Variants in ARHGAP45 observed in about 807,000 individuals in gnomAD.
ARHGAP45 encodes rho GTPase-activating protein 45.
A neutral mutation model predicts 116.1 loss-of-function variants in ARHGAP45; 56 were observed. The observed-to-expected ratio is 0.48, with a 90% CI of 0.39 to 0.60. The LOEUF (loss-of-function observed/expected upper bound fraction) is 0.60, where lower values mean the gene tolerates loss of function less well. Ranked by LOEUF, ARHGAP45 falls within the 20% of genes least tolerant of loss-of-function variation. ARHGAP45 has a pLI of 0.00. For missense variants in ARHGAP45, 1,622 were observed against 1,601.0 expected (o/e 1.01, Z -0.22); for synonymous variants, 866 against 701.7 (o/e 1.23, Z -3.70).
chr19:1,068,121 C>A lies in ARHGAP45; in HGVS notation c.91-293C>A, dbSNP rs957176623. Among the ~76,000 whole-genome samples the A allele has an allele frequency of 6.6e-6, 1 of 152,062 alleles. No individual in the cohort carries two copies. Among genetic ancestry groups the A allele is most frequent in the African/African-American group, 2.4e-5 (1 of 41,408 alleles). On this transcript the variant is annotated intron_variant, in intron 1 of 22. Transcript: ENST00000313093. The surrounding 1 kb of genome is among the most constrained non-coding windows in gnomAD (Gnocchi z 7.5). ...TGAGGGGGGCTTGAAGGGCTGAGGA[C>A]CCTCCCCACCCCCACCAGGAAGTGG...
chr19:1,070,357 G>A (rs2043118058), intron 2 of ARHGAP45, among the ~76,000 whole-genome samples: 1 of 119,492 alleles, frequency 8.4e-6, no homozygotes, highest in Non-Finnish European at 1.7e-5. Context: ...TTGAGACAGA[G>A]TCTCACTCTG....
Position 1,085,684 on chromosome 19 carries a change from C to T in ARHGAP45, c.3089C>T (p.Ser1030Leu), listed in dbSNP as rs780707890. Residue 1030 changes from serine (S) to leucine (L), a missense_variant, in exon 23 of 23, where the codon TCG (serine) becomes TTG (leucine). Ser to Leu is a moderately radical substitution (Grantham distance 145). Transcript: ENST00000313093. The stretch of plus-strand genomic sequence containing the variant: ...GAATCCCGAGTTGTGTCCAACGATT[C>T]GGACTCGGACCTAGAGGAGGCCTCC... Reference protein sequence around the residue: ...CRESRVVSNDSDSDLEEASEL... With the variant: ...CRESRVVSNDLDSDLEEASEL... The T allele has an allele frequency of 3.4e-5, 54 of 1,583,102 alleles. No homozygotes were observed. Among genetic ancestry groups the T allele is most frequent in the Admixed American group, 1.4e-4 (8 of 56,806 alleles).
At position 1,086,087 on chromosome 19, in the gene ARHGAP45, A is replaced by G. The variant is rs1024712298; in HGVS notation, c.*81A>G. The G allele has an allele frequency of 1.5e-5, 19 of 1,285,842 alleles. No homozygotes were observed. Among genetic ancestry groups the G allele is most frequent in the African/African-American group, 2.9e-5 (2 of 67,998 alleles). The allele number at this position is 1,285,842 out of a possible 1,614,324, so 79.7% of individuals were successfully genotyped here. On this transcript the variant is annotated 3_prime_UTR_variant, in exon 23 of 23. Coordinates refer to ENST00000313093, the MANE Select transcript of ARHGAP45 (RefSeq NM_012292.5). ...CAGCACGTCCCCTGCACCACGGCAT[A>G]GCTTAGGTGCGCCGTCCTGGGGTCG...
chr19:1,084,453 GCA>G (rs2043541120), intron 22 of ARHGAP45, 107 bp downstream of exon 22: 4 of 749,088 alleles, frequency 5.3e-6, no homozygotes, highest in Non-Finnish European at 8.8e-6. Context: ...CCACGGTGCT[GCA>G]CATTCTGTGG....
chr19:1,081,077 C>A lies in ARHGAP45; in HGVS notation c.2190+13C>A, dbSNP rs1336653444. The A allele has an allele frequency of 6.3e-7, 1 of 1,592,896 alleles. No individual in the cohort carries two copies. The highest frequency in any genetic ancestry group is 8.5e-7 in the Non-Finnish European group (1 of 1,170,150). ...TGAGTGTGAAGAGGTGAGTGGGACG[C>A]CCCGACGGACAGCTGGGAGCCTTCG... is the stretch of plus-strand genomic sequence containing the variant. On this transcript the variant is annotated intron_variant, in intron 17 of 22. Coordinates refer to ENST00000313093, the MANE Select transcript of ARHGAP45 (RefSeq NM_012292.5).
chr19:1,071,493 C>A lies in ARHGAP45; in HGVS notation c.422-1656C>A, dbSNP rs1411573898. ...GGCCGTGCGCACCTGGGCATCCCTGCGCTGCGCAGGGGTCGCGCCGGCCGC... is the reference window on the plus strand; with the variant it reads ...GGCCGTGCGCACCTGGGCATCCCTGAGCTGCGCAGGGGTCGCGCCGGCCGC... On this transcript the variant is annotated intron_variant, in intron 2 of 22. Coordinates refer to ENST00000313093, the MANE Select transcript of ARHGAP45 (RefSeq NM_012292.5). The surrounding 1 kb of genome is among the most constrained non-coding windows in gnomAD (Gnocchi z 4.6). 4 of 670,698 alleles carry A rather than the reference C, an allele frequency of 6.0e-6. No homozygotes were observed. The highest frequency in any genetic ancestry group is 2.0e-5 in the African/African-American group (1 of 50,794). 41.5% of individuals were successfully genotyped at this position (670,698 alleles called of 1,614,324 possible).
chr19:1,078,392 C>T (rs2043327360), intron 11 of ARHGAP45, among the ~76,000 whole-genome samples: 2 of 151,378 alleles, frequency 1.3e-5, no homozygotes, highest in Non-Finnish European at 1.5e-5. Flanking sequence ...ATCCGTCCAC[C>T]TCGGCCTCCC....
Position 1,080,521 on chromosome 19 carries a change from G to C in ARHGAP45, c.1886G>C (p.Ser629Thr), listed in dbSNP as rs1186840543. Residue 629 changes from serine (S) to threonine (T), a missense_variant, in exon 15 of 23, where the codon AGT becomes ACT. Coordinates refer to ENST00000313093, the MANE Select transcript of ARHGAP45 (RefSeq NM_012292.5). ...SWPLSISDSD[S>T]GLDPGPGAGD... ...CCGCTCTCGATCTCAGACTCGGACA[G>C]TGGGCTGGACCCCGGCCCTGGCGCA... 6.2e-7 allele frequency: 1 copy of C among 1,612,974 alleles called. No individual in the cohort carries two copies. The highest frequency in any genetic ancestry group is 8.5e-7 in the Non-Finnish European group (1 of 1,179,980).
In ARHGAP45 at chr19:1,084,338, G is replaced by A. The variant is rs370204596; in HGVS notation, c.3056G>A (p.Gly1019Glu). 4 of 1,607,620 alleles carry A rather than the reference G, an allele frequency of 2.5e-6. No homozygotes were observed. In the Admixed American group the frequency reaches 5.1e-5, roughly 21 times the overall value. Residue 1019 changes from glycine to glutamate, a missense_variant, in exon 22 of 23, where the codon GGG becomes GAG. By Grantham distance (98) the Gly-to-Glu change is moderately conservative. This residue lies in a region of ARHGAP45 where 1,334 missense variants were observed against 1,263.8 expected (regional missense o/e 1.06). Coordinates refer to ENST00000313093, the MANE Select transcript of ARHGAP45 (RefSeq NM_012292.5). ...VYPLQEAAAD[G>E]CRESRVVSND... ...CCGCTGCAGGAGGCGGCGGCGGACG[G>A]GTGCAGAGGTGAGTGTGTGGCTGCC...
In ARHGAP45 at chr19:1,082,962, C is replaced by T. The variant is rs904489170; in HGVS notation, c.2640C>T (p.Ser880=). Residue 880 remains serine (S), a synonymous_variant, in exon 20 of 23, where the codon AGC becomes AGT. Coordinates refer to ENST00000313093, the MANE Select transcript of ARHGAP45 (RefSeq NM_012292.5). ...GGGGCCGGCAGGACGGCTCGGAGAG[C>T]GAGGCAGTGGCGGTGGCCCTGGCAG... ...ASRGRQDGSE[S]EAVAVALAGR... is the part of the protein sequence containing the mutation. The T allele has an allele frequency of 4.5e-6, 7 of 1,568,000 alleles. No individual in the cohort carries two copies. The highest frequency in any genetic ancestry group is 4.3e-6 in the Non-Finnish European group (5 of 1,161,408).
In ARHGAP45 at chr19:1,080,532, C is replaced by G. The variant is rs562558015; in HGVS notation, c.1897C>G (p.Pro633Ala). Residue 633 changes from proline (P) to alanine (A), a missense_variant, in exon 15 of 23, where the codon CCC becomes GCC. Coordinates refer to ENST00000313093, the MANE Select transcript of ARHGAP45 (RefSeq NM_012292.5). ...SISDSDSGLD[P>A]GPGAGDFKKF... ...CTCAGACTCGGACAGTGGGCTGGAC[C>G]CCGGCCCTGGCGCAGGTGAGGGAGG... The G allele has an allele frequency of 6.2e-7, 1 of 1,612,816 alleles. No homozygotes were observed. Among genetic ancestry groups the G allele is most frequent in the South Asian group, 1.1e-5 (1 of 91,084 alleles).
Position 1,086,268 on chromosome 19 carries a change from CA to C in ARHGAP45, c.*263del, listed in dbSNP as rs2043647073. ...GGGGAACACTGCTGTCGTGTGAAGT[CA>C]CAGTGGCCTTGTTGGTGCCCACAGG... On this transcript the variant is annotated 3_prime_UTR_variant, in exon 23 of 23. Transcript: ENST00000313093. 2.1e-6 allele frequency: 1 copy of C among 475,682 alleles called. No individual in the cohort carries two copies. The highest frequency in any genetic ancestry group is 2.6e-5 in the South Asian group (1 of 39,012). The allele number at this position is 475,682 out of a possible 1,614,324, so 29.5% of individuals were successfully genotyped here.
intron 21 of ARHGAP45, 60 bp from the exon 22 acceptor site, chr19:1,084,178 A>T: frequency 6.7e-7 from 1 of 1,501,360 alleles, no homozygotes; most frequent in Non-Finnish European, 9.3e-7. Flanking sequence ...TGGGTTTGTT[A>T]ATTTATAACA....
At position 1,085,995 on chromosome 19, in the gene ARHGAP45, G is replaced by C. The variant is rs2145111310; in HGVS notation, c.3400G>C (p.Glu1134Gln). The C allele has an allele frequency of 6.2e-7, 1 of 1,611,808 alleles. No homozygotes were observed. The highest frequency in any genetic ancestry group is 1.1e-5 in the South Asian group (1 of 90,970). ...TLGSCRERQP[E>Q]FV is the part of the protein sequence containing the mutation. ...GGGCTCCTGCAGGGAAAGGCAGCCG[G>C]AATTCGTGTGAGCTGGGGTGGGGCT... Residue 1134 changes from glutamate to glutamine, a missense_variant, in exon 23 of 23, where the codon GAA (glutamate) becomes CAA (glutamine). By Grantham distance (29) the Glu-to-Gln change is conservative. This residue lies in a region of ARHGAP45 where 1,334 missense variants were observed against 1,263.8 expected (regional missense o/e 1.06). Coordinates refer to ENST00000313093, the MANE Select transcript of ARHGAP45 (RefSeq NM_012292.5).
rs376709356 is a variant in ARHGAP45, at chr19:1,079,923, C to T, written c.1513-5C>T. 30 of 1,603,714 alleles carry T rather than the reference C, an allele frequency of 1.9e-5. 1 individual carries two copies. Among genetic ancestry groups the T allele is most frequent in the Middle Eastern group, 3.3e-4 (2 of 6,062 alleles). On this transcript the variant is annotated splice_region_variant and splice_polypyrimidine_tract_variant and intron_variant, in intron 12 of 22. Transcript: ENST00000313093. ...GACCCCTCCGCTCTCCGGTGCCGCC[C>T]GCAGGCCACGATCTCCTACTACCAG...
chr19:1,072,012 TTTTTCTTTTCTTTCCTTC>T (rs1410277470), intron 2 of ARHGAP45, among the ~76,000 whole-genome samples: 1 of 151,950 alleles, frequency 6.6e-6, no homozygotes, highest in African/African-American at 2.4e-5. Context: ...ACTCTCTGCT[TTTTTCTTTTCTTTCCTTC>T]TTTTCTTTTC....
rs1391832918 is a variant in ARHGAP45 at position 1,068,356 on chromosome 19, T to C, written c.91-58T>C. 2 of 1,413,928 alleles carry C rather than the reference T, an allele frequency of 1.4e-6. No homozygotes were observed. The highest frequency in any genetic ancestry group is 2.9e-5 in the South Asian group (2 of 69,820). The allele number at this position is 1,413,928 out of a possible 1,614,324, so 87.6% of individuals were successfully genotyped here. ...AGCCCCACTTCATTTCTGGGGAAAC[T>C]GAGGCCGTGTCCAGGCCGGAAAATC... On this transcript the variant is annotated intron_variant, in intron 1 of 22. Coordinates refer to ENST00000313093, the MANE Select transcript of ARHGAP45 (RefSeq NM_012292.5). The surrounding 1 kb of genome is among the most constrained non-coding windows in gnomAD (Gnocchi z 7.5).
At chr19:1,081,457 T>C (rs1027355909) in intron 17 of ARHGAP45, 93 bp from the exon 18 acceptor site, 9 of 1,222,100 alleles carry the variant, frequency 7.4e-6, no homozygotes, top group Non-Finnish European at 9.8e-6. Context: ...GTGTGGGGGC[T>C]GTGAGCGCCC....
chr19:1,073,305 G>T lies in ARHGAP45; in HGVS notation c.565+13G>T. The stretch of plus-strand genomic sequence containing the variant: ...GCCAAGGTCAAAGGTCAGCCTGCTG[G>T]AACAGGGCTGCGAGGGCTCTCTGCC... On this transcript the variant is annotated intron_variant, in intron 3 of 22. Coordinates refer to ENST00000313093, the MANE Select transcript of ARHGAP45 (RefSeq NM_012292.5). 1 of 1,612,278 alleles carries T rather than the reference G, an allele frequency of 6.2e-7. No individual in the cohort carries two copies. Among genetic ancestry groups the T allele is most frequent in the Non-Finnish European group, 8.5e-7 (1 of 1,179,568 alleles).
Sources: allele counts gnomAD v4.1 joint callset (sites outside exome capture counted in the v4.1 genomes callset), GRCh38; gene constraint gnomAD v4.1.1; regional missense constraint gnomAD v4.1.1; non-coding constraint Gnocchi (gnomAD v3.1); transcripts MANE v1.5; gene names NCBI Gene and HGNC (gene_info 2026-07-23, HGNC 2026-07-21).